Variants in SEL1L3 observed in about 807,000 individuals in gnomAD.
SEL1L3 encodes SEL1L family member 3.
In SEL1L3, 76 loss-of-function variants were observed where a neutral mutation model predicts 142.8. That is an observed-to-expected ratio of 0.53 (90% CI 0.44 to 0.64). The LOEUF is 0.64. Among genes scored for constraint, SEL1L3 ranks in the 30% least tolerant of loss-of-function variants. The pLI, the probability that SEL1L3 is intolerant of heterozygous loss-of-function variation, is 0.00. For missense variants in SEL1L3, 1,262 were observed against 1,381.7 expected (o/e 0.91, Z 1.37); for synonymous variants, 504 against 519.6 (o/e 0.97, Z 0.41).
chr4:25,796,706 G>T (rs868682489), intron 11 of SEL1L3, among the ~76,000 whole-genome samples: 2 of 150,434 alleles, frequency 1.3e-5, no homozygotes, highest in African/African-American at 4.9e-5. Context: ...GTATGAGCCC[G>T]GGAGGTGGAG....
chr4:25,724,415 T>A, the SEL1L3 span, among the ~76,000 whole-genome samples: 18,046 of 151,590 alleles, frequency 0.12, 1,338 homozygotes, highest in Middle Eastern at 0.17. Context: ...AGGGAGACCC[T>A]GTCTCAAAGA....
Position 25,774,528 on chromosome 4 carries a change from C to G in SEL1L3, c.2669+1749G>C, listed in dbSNP as rs527241491. ...TCTTAATTCATCTAGGCCTTCGCAG[C>G]AGCTTTTACAATATGCTAAAGTGCT... is the stretch of plus-strand genomic sequence containing the variant. On this transcript the variant is annotated intron_variant, in intron 17 of 23. Coordinates refer to ENST00000399878, the MANE Select transcript of SEL1L3 (RefSeq NM_015187.5). Among the ~76,000 whole-genome samples, 8 of 152,312 alleles carry G rather than the reference C, an allele frequency of 5.3e-5. No individual in the cohort carries two copies. In the South Asian group the frequency reaches 1.7e-3, roughly 32 times the overall value.
chr4:25,860,133 T>C (rs900228502), intron 1 of SEL1L3, among the ~76,000 whole-genome samples: 1 of 152,264 alleles, frequency 6.6e-6, no homozygotes, highest in Admixed American at 6.5e-5. Context: ...ATGGAGATTA[T>C]AGTAGCTCCT....
chr4:25,777,756 A>T (rs1719732140), intron 16 of SEL1L3: 1 of 447,138 alleles, frequency 2.2e-6, no homozygotes, highest in African/African-American at 2.0e-5. Context: ...AAAAACTTCA[A>T]GTCAGTCTAA....
chr4:25,720,914 G>A, the SEL1L3 span: 1 of 152,168 alleles, frequency 6.6e-6, no homozygotes, highest in East Asian at 1.9e-4. Flanking sequence ...GACTTCTAAG[G>A]AGTAGAGGGG....
intron 12 of SEL1L3, among the ~76,000 whole-genome samples, chr4:25,789,076 A>C (rs561087347): frequency 2.5e-4 from 38 of 152,236 alleles, no homozygotes; most frequent in Non-Finnish European, 5.0e-4. Flanking sequence ...CTGTACTAGA[A>C]AGACTGCAGA....
At chr4:25,784,157 CTT>C (rs1711618013) in intron 14 of SEL1L3, 69 bp downstream of exon 14, 1 of 1,317,682 alleles carries the variant, frequency 7.6e-7, no homozygotes, top group Admixed American at 1.7e-5. Flanking sequence ...GCCATTTCCT[CTT>C]TTAGACGTGC....
chr4:25,828,597 G>A (rs1237475022), intron 6 of SEL1L3, among the ~76,000 whole-genome samples: 1 of 151,926 alleles, frequency 6.6e-6, no homozygotes, highest in African/African-American at 2.4e-5. Context: ...TGTTGACCAG[G>A]CTGGTCTTGA....
the SEL1L3 span, among the ~76,000 whole-genome samples, chr4:25,725,253 A>G: frequency 6.6e-6 from 1 of 152,174 alleles, no homozygotes; most frequent in African/African-American, 2.4e-5. Flanking sequence ...TTAAGAAAGT[A>G]AAGAAATAAA....
At chr4:25,728,150 C>T in the SEL1L3 span, among the ~76,000 whole-genome samples, 1 of 152,104 alleles carries the variant, frequency 6.6e-6, no homozygotes, top group Non-Finnish European at 1.5e-5. Flanking sequence ...TTCTAAGGCC[C>T]CAGGTTTGTC....
At chr4:25,792,056 T>C (rs548380745) in intron 11 of SEL1L3, among the ~76,000 whole-genome samples, 1 of 152,230 alleles carries the variant, frequency 6.6e-6, no homozygotes, top group Admixed American at 6.5e-5. Flanking sequence ...TTGGTGATTG[T>C]GCTAGGCTCA....
chr4:25,827,667 C>A (rs951555071), intron 6 of SEL1L3, among the ~76,000 whole-genome samples: 13 of 152,220 alleles, frequency 8.5e-5, no homozygotes, highest in African/African-American at 2.9e-4. Context: ...TGCCTCACCC[C>A]GGCCCCAGCC....
At chr4:25,784,576 T>C (rs1711661591) in intron 13 of SEL1L3, among the ~76,000 whole-genome samples, 1 of 152,184 alleles carries the variant, frequency 6.6e-6, no homozygotes. Context: ...GGGGAAGATA[T>C]GAATCAGGTT....
chr4:25,719,476 G>A, the SEL1L3 span: 1 of 151,982 alleles, frequency 6.6e-6, no homozygotes, highest in African/African-American at 2.4e-5. Context: ...GCTTTTTTTC[G>A]GGGGTGTGAT....
downstream of SEL1L3, among the ~76,000 whole-genome samples, chr4:25,744,260 G>A (rs573133186): frequency 4.0e-5 from 6 of 151,782 alleles, no homozygotes; most frequent in East Asian, 9.7e-4. Context: ...TCCTAACACC[G>A]AGTACCTCAG....
chr4:25,746,519 T>TATATTTAG, downstream of SEL1L3, among the ~76,000 whole-genome samples: 1 of 137,790 alleles, frequency 7.3e-6, no homozygotes, highest in African/African-American at 2.7e-5. Flanking sequence ...TATATATATA[T>TATATTTAG]ATATATATTT....
intron 20 of SEL1L3, among the ~76,000 whole-genome samples, chr4:25,761,445 C>T (rs774224316): frequency 7.2e-5 from 11 of 152,092 alleles, no homozygotes; most frequent in East Asian, 1.9e-4. Context: ...GTTGAGCCAC[C>T]GCGCCCAGCC....
At chr4:25,762,193 C>T (rs1279291363) in intron 20 of SEL1L3, among the ~76,000 whole-genome samples, 1 of 152,256 alleles carries the variant, frequency 6.6e-6, no homozygotes, top group African/African-American at 2.4e-5. Context: ...AAGTGATCTG[C>T]CTGCCTTGGC....
the SEL1L3 span, chr4:25,718,614 C>T: frequency 2.6e-5 from 4 of 152,076 alleles, no homozygotes; most frequent in Admixed American, 6.6e-5. Flanking sequence ...ATCAGTTTAT[C>T]GTAGACAAAC....
Sources: gnomAD v4.1 joint callset for allele counts (sites outside exome capture counted in the v4.1 genomes callset) on GRCh38, gnomAD v4.1.1 for gene constraint, MANE v1.5 for transcripts, NCBI Gene and HGNC (gene_info 2026-07-23, HGNC 2026-07-21) for gene names.